Variants in VPS35L observed in about 807,000 individuals in gnomAD.
The protein encoded by VPS35L is VPS35 endosomal protein sorting factor like, also known as VPS35 endosomal protein-sorting factor-like.
In VPS35L, 83 loss-of-function variants were observed where a neutral mutation model predicts 133.0. That is an observed-to-expected ratio of 0.62 (90% CI 0.52 to 0.75). The LOEUF is 0.75. Among genes scored for constraint, VPS35L ranks in the 30% least tolerant of loss-of-function variants. VPS35L has a pLI of 0.00. For missense variants in VPS35L, 1,083 were observed against 1,206.8 expected (o/e 0.90, Z 1.52); for synonymous variants, 423 against 449.9 (o/e 0.94, Z 0.76).
intron 9 of VPS35L, among the ~76,000 whole-genome samples, chr16:19,604,867 T>A (rs1318977659): frequency 6.6e-6 from 1 of 152,240 alleles, no homozygotes; most frequent in Non-Finnish European, 1.5e-5. Context: ...AATCACACAC[T>A]ATTAGATGTG....
Position 19,585,584 on chromosome 16 carries a change from T to C in VPS35L, c.639+3931T>C, listed in dbSNP as rs530031888. 2.2e-3 allele frequency among the ~76,000 whole-genome samples: 329 copies of C among 151,900 alleles called. 1 individual carries two copies. The highest frequency in any genetic ancestry group is 7.1e-3 in the African/African-American group (292 of 41,346). ...GCCCAGTTTATTTAAAATTTTTTTT[T>C]TGTAGAGACAGGGCCATGCTGTGTT... On this transcript the variant is annotated intron_variant, in intron 7 of 30. Coordinates refer to ENST00000417362, the MANE Select transcript of VPS35L (RefSeq NM_020314.7).
At chr16:19,570,503 C>T (rs1406534920) in intron 3 of VPS35L, among the ~76,000 whole-genome samples, 1 of 152,074 alleles carries the variant, frequency 6.6e-6, no homozygotes, top group Non-Finnish European at 1.5e-5. Flanking sequence ...CCAATCTCCA[C>T]CCTGGCGGTT....
chr16:19,673,617 A>G (rs1974950120), intron 27 of VPS35L, among the ~76,000 whole-genome samples: 2 of 151,880 alleles, frequency 1.3e-5, no homozygotes, highest in Admixed American at 1.3e-4. Flanking sequence ...AACAGATTTG[A>G]GTTATTTTTC....
At chr16:19,620,506 C>G (rs1386198748) in intron 14 of VPS35L, among the ~76,000 whole-genome samples, 1 of 151,840 alleles carries the variant, frequency 6.6e-6, no homozygotes, top group Non-Finnish European at 1.5e-5. Flanking sequence ...ACTGACGAGT[C>G]TATAATTAAT....
intron 24 of VPS35L, among the ~76,000 whole-genome samples, chr16:19,649,191 A>G (rs1296863555): frequency 6.6e-6 from 1 of 151,946 alleles, no homozygotes; most frequent in African/African-American, 2.4e-5. Flanking sequence ...AGGTTTCACC[A>G]TGTTGGCCAG....
chr16:19,652,594 G>A (rs13335136), intron 26 of VPS35L: 31,754 of 157,848 alleles, frequency 0.2, 5,980 homozygotes, highest in African/African-American at 0.5. Flanking sequence ...TATAGAGTCA[G>A]ACAGATCATA....
At chr16:19,622,356 T>C (rs1403695205) in intron 14 of VPS35L, among the ~76,000 whole-genome samples, 1 of 151,886 alleles carries the variant, frequency 6.6e-6, no homozygotes, top group East Asian at 1.9e-4. Context: ...TTGGCCAGGC[T>C]GGTCTCGAAA....
chr16:19,685,260 GT>G (rs1169790120), intron 28 of VPS35L, among the ~76,000 whole-genome samples: 2 of 152,134 alleles, frequency 1.3e-5, no homozygotes, highest in Non-Finnish European at 2.9e-5. Flanking sequence ...TTATTTATTA[GT>G]TTGCCACTTT....
intron 8 of VPS35L, among the ~76,000 whole-genome samples, chr16:19,595,664 A>G (rs1227220619): frequency 6.6e-6 from 1 of 151,864 alleles, no homozygotes; most frequent in East Asian, 1.9e-4. Flanking sequence ...CCTTGCAAGA[A>G]CTCTGGGCAG....
rs5816064 is a variant in VPS35L, at chr16:19,681,880, CTTTTTT to C, written c.2362-341_2362-336del. ...GCTTTTGTGGTTGGAACAGGGCTTCCTTTTTTTTTAACTCCCACCACCCACAGAAAA... is the reference window on the plus strand; with the variant it reads ...GCTTTTGTGGTTGGAACAGGGCTTCCTTTAACTCCCACCACCCACAGAAAA... On this transcript the variant is annotated intron_variant, in intron 27 of 30. Transcript: ENST00000417362. 2.6e-5 allele frequency among the ~76,000 whole-genome samples: 4 copies of C among 151,532 alleles called. No homozygotes were observed. The East Asian group carries it at 5.9e-4, about 22-fold the overall frequency.
chr16:19,576,370 T>C (rs1357380600), intron 5 of VPS35L, among the ~76,000 whole-genome samples: 3 of 152,176 alleles, frequency 2.0e-5, no homozygotes, highest in Non-Finnish European at 4.4e-5. Flanking sequence ...CTTAGTCTTA[T>C]ACGTCACTGG....
chr16:19,602,637 C>G (rs550238903), intron 9 of VPS35L, among the ~76,000 whole-genome samples: 3 of 152,048 alleles, frequency 2.0e-5, no homozygotes, highest in African/African-American at 7.2e-5. Flanking sequence ...GACTCTTGCT[C>G]TGTCACCCAG....
In VPS35L at chr16:19,691,339, TG is replaced by T; in HGVS notation, c.2528-13del. 6.2e-7 allele frequency: 1 copy of T among 1,601,214 alleles called. No individual in the cohort carries two copies. The highest frequency in any genetic ancestry group is 8.6e-7 in the Non-Finnish European group (1 of 1,168,402). On this transcript the variant is annotated splice_polypyrimidine_tract_variant and intron_variant, in intron 28 of 30. Coordinates refer to ENST00000417362, the MANE Select transcript of VPS35L (RefSeq NM_020314.7). ...GGGCTTGGGTCTGTCTCACTGTTCT[TG>T]TTTGTTCAACAGTGGACTCCAACGA... is the stretch of plus-strand genomic sequence containing the variant.
intron 10 of VPS35L, chr16:19,608,510 G>GT (rs1480727615): frequency 1.0e-5 from 5 of 485,186 alleles, no homozygotes; most frequent in Non-Finnish European, 1.8e-5. Context: ...TCAAGCATTT[G>GT]TTTCCTTGAG....
At chr16:19,614,105 C>G (rs1049805260) in intron 12 of VPS35L, among the ~76,000 whole-genome samples, 2 of 152,210 alleles carry the variant, frequency 1.3e-5, no homozygotes, top group African/African-American at 4.8e-5. Context: ...TTCAGCTCAT[C>G]TCCATGGCTC....
intron 26 of VPS35L, among the ~76,000 whole-genome samples, chr16:19,653,486 C>A (rs1974199813): frequency 6.6e-6 from 1 of 152,144 alleles, no homozygotes; most frequent in South Asian, 2.1e-4. Flanking sequence ...AGAGAGTGGC[C>A]AACTAACTTG....
At chr16:19,608,491 T>C (rs1249398414) in intron 10 of VPS35L, 7 of 516,126 alleles carry the variant, frequency 1.4e-5, no homozygotes, top group Non-Finnish European at 2.4e-5. Context: ...TTGAATACGA[T>C]GCCATGTGTC....
At chr16:19,625,834 T>G (rs1973243761) in intron 14 of VPS35L, among the ~76,000 whole-genome samples, 1 of 152,100 alleles carries the variant, frequency 6.6e-6, no homozygotes, top group Non-Finnish European at 1.5e-5. Context: ...CTATCACACC[T>G]GGCTAATTTT....
At chr16:19,680,425 C>T (rs1186237533) in intron 27 of VPS35L, among the ~76,000 whole-genome samples, 3 of 152,136 alleles carry the variant, frequency 2.0e-5, no homozygotes, top group Non-Finnish European at 2.9e-5. Context: ...CTGGAGGCGC[C>T]ATTAACAGAA....
Sources: gnomAD v4.1 joint callset for allele counts (sites outside exome capture counted in the v4.1 genomes callset) on GRCh38, gnomAD v4.1.1 for gene constraint, MANE v1.5 for transcripts, NCBI Gene and HGNC (gene_info 2026-07-23, HGNC 2026-07-21) for gene names.